Variants in OR2L13 observed in about 807,000 individuals in gnomAD.
OR2L13 encodes olfactory receptor family 2 subfamily L member 13.
In OR2L13, 14 loss-of-function variants were observed where a neutral mutation model predicts 15.3. The ratio of observed to expected loss-of-function variants is 0.91; its 90% CI spans 0.60 to 1.43. OR2L13 has a LOEUF of 1.43. Ranked by LOEUF, OR2L13 falls within the 40% of genes most tolerant of loss-of-function variation. The probability of loss-of-function intolerance (pLI) is 0.00; values close to 1 mark genes in which losing one functional copy is unlikely to be tolerated. For synonymous variants in OR2L13, 152 were observed against 142.9 expected, an observed-to-expected ratio of 1.06 and a Z score of -0.45; for missense variants, 367 against 387.9, an observed-to-expected ratio of 0.95 and a Z score of 0.45.
At chr1:248,066,347 A>G in the OR2L13 span, among the ~76,000 whole-genome samples, 1 of 152,240 alleles carries the variant, frequency 6.6e-6, no homozygotes, top group African/African-American at 2.4e-5. Context: ...TGGGTGAGGT[A>G]GAGGTGATCC....
At chr1:248,094,689 C>G (rs1042924598), upstream of OR2L13, among the ~76,000 whole-genome samples, 2 of 152,136 alleles carry the variant, frequency 1.3e-5, no homozygotes, top group Non-Finnish European at 2.9e-5. Flanking sequence ...TATCTACCCC[C>G]ACCTAACAAG....
the OR2L13 span, among the ~76,000 whole-genome samples, chr1:248,086,628 A>G: frequency 1.3e-5 from 2 of 152,062 alleles, no homozygotes; most frequent in Non-Finnish European, 2.9e-5. Flanking sequence ...ATATACAGCT[A>G]TATTTATTTG....
chr1:248,038,441 G>A, the OR2L13 span: 2 of 1,613,754 alleles, frequency 1.2e-6, no homozygotes, highest in Admixed American at 3.3e-5. Context: ...ACACACCTAT[G>A]TATTTCCTAC....
chr1:248,016,842 A>G, the OR2L13 span, among the ~76,000 whole-genome samples: 2 of 152,176 alleles, frequency 1.3e-5, no homozygotes, highest in African/African-American at 4.8e-5. Flanking sequence ...TGTGATGTAG[A>G]GAAGTTCACT....
At chr1:248,060,016 G>A in the OR2L13 span, among the ~76,000 whole-genome samples, 10 of 150,766 alleles carry the variant, frequency 6.6e-5, no homozygotes, top group Non-Finnish European at 1.2e-4. Context: ...TCCCACCTGG[G>A]TAACAGAGAG....
At chr1:248,070,186 C>CA in the OR2L13 span, among the ~76,000 whole-genome samples, 2 of 152,136 alleles carry the variant, frequency 1.3e-5, no homozygotes, top group African/African-American at 4.8e-5. Flanking sequence ...TTTTCAGCAC[C>CA]ACAACACGCC....
chr1:247,965,649 C>T, the OR2L13 span: 1 of 1,547,668 alleles, frequency 6.5e-7, no homozygotes, highest in East Asian at 2.3e-5. Flanking sequence ...AGAGTAAGAC[C>T]ATTAGATTTT....
At chr1:248,013,847 C>T in the OR2L13 span, 1 of 152,088 alleles carries the variant, frequency 6.6e-6, no homozygotes, top group African/African-American at 2.4e-5. Context: ...AGTTTGAGCA[C>T]TAGTAATTGT....
the OR2L13 span, among the ~76,000 whole-genome samples, chr1:248,000,056 C>A: frequency 6.6e-6 from 1 of 151,008 alleles, no homozygotes; most frequent in Non-Finnish European, 1.5e-5. Context: ...TCTTATAAAT[C>A]TTGCAGGTAA....
the OR2L13 span, chr1:248,039,393 G>C: frequency 9.2e-5 from 38 of 414,480 alleles, no homozygotes; most frequent in East Asian, 2.1e-3. Flanking sequence ...CATCTATTTT[G>C]ATTTTGTTTG....
chr1:247,972,967 T>C, the OR2L13 span, among the ~76,000 whole-genome samples: 2 of 152,138 alleles, frequency 1.3e-5, no homozygotes, highest in Non-Finnish European at 2.9e-5. Flanking sequence ...CATGGTTGAT[T>C]CAACATATGC....
At chr1:247,990,551 G>A in the OR2L13 span, 3 of 1,564,666 alleles carry the variant, frequency 1.9e-6, no homozygotes, top group African/African-American at 1.4e-5. Context: ...TCCTTCACTG[G>A]GTGTGGGATT....
the OR2L13 span, among the ~76,000 whole-genome samples, chr1:248,089,168 T>C: frequency 0.041 from 6,267 of 152,030 alleles, 430 homozygotes; most frequent in African/African-American, 0.14. Flanking sequence ...GAACGAAGCA[T>C]GGAAATGAGG....
the OR2L13 span, chr1:248,047,001 G>A: frequency 6.6e-6 from 1 of 152,178 alleles, no homozygotes; most frequent in Non-Finnish European, 1.5e-5. Context: ...ACTAATAACT[G>A]TACTTTCTAT....
At chr1:248,085,039 A>G in the OR2L13 span, among the ~76,000 whole-genome samples, 4 of 152,158 alleles carry the variant, frequency 2.6e-5, no homozygotes, top group Non-Finnish European at 5.9e-5. Context: ...GGACAATAAA[A>G]CAGGCAAAAT....
At chr1:247,996,560 T>C in the OR2L13 span, among the ~76,000 whole-genome samples, 5,125 of 152,298 alleles carry the variant, frequency 0.034, 243 homozygotes, top group African/African-American at 0.12. Context: ...TCAATTTCTA[T>C]GTCCAGAAAA....
At chr1:247,991,105 C>T in the OR2L13 span, 1 of 1,604,412 alleles carries the variant, frequency 6.2e-7, no homozygotes, top group Non-Finnish European at 8.5e-7. Flanking sequence ...CTACACCATC[C>T]TCACTCCAAT....
upstream of OR2L13, among the ~76,000 whole-genome samples, chr1:248,095,450 C>T (rs1295530294): frequency 1.3e-5 from 2 of 151,844 alleles, no homozygotes; most frequent in Non-Finnish European, 2.9e-5. Flanking sequence ...AAGAGATTCT[C>T]ACTTCAGAAA....
chr1:247,944,263 T>G, the OR2L13 span, among the ~76,000 whole-genome samples: 1 of 152,152 alleles, frequency 6.6e-6, no homozygotes, highest in Non-Finnish European at 1.5e-5. Context: ...TGAATCTTTT[T>G]TTTTGCTTTG....
Sources: gnomAD v4.1 joint callset for allele counts (sites outside exome capture counted in the v4.1 genomes callset) on GRCh38, gnomAD v4.1.1 for gene constraint, MANE v1.5 for transcripts, NCBI Gene and HGNC (gene_info 2026-07-23, HGNC 2026-07-21) for gene names.